Variants in SLC25A30 observed in about 807,000 individuals in gnomAD.
SLC25A30 encodes the protein kidney mitochondrial carrier protein 1.
SLC25A30 carries 29 observed loss-of-function variants against 42.7 expected under a neutral mutation model. The observed-to-expected ratio is 0.68, with a 90% CI of 0.51 to 0.93. The LOEUF is 0.93. SLC25A30 is among the 40% of genes least tolerant of loss of function. The pLI is 0.00. For missense variants in SLC25A30, 300 were observed against 359.7 expected (o/e 0.83, Z 1.34); for synonymous variants, 124 against 131.0 (o/e 0.95, Z 0.37).
At position 45,405,958 on chromosome 13, in the gene SLC25A30, G is replaced by GT; in HGVS notation, c.231dup (p.Arg78ThrfsTer22). On this transcript the variant is annotated frameshift_variant, in exon 4 of 10. Coordinates refer to ENST00000519676, the MANE Select transcript of SLC25A30 (RefSeq NM_001010875.4). LOFTEE classifies it high-confidence loss of function. Reference sequence around the variant, plus strand: ...TTGATGGTGCCATAGGATGCCTGGCGTAACATCGCGGGGGCAATCCTGTTA... The same window carrying GT: ...TTGATGGTGCCATAGGATGCCTGGCGTTAACATCGCGGGGGCAATCCTGTTA... The GT allele has an allele frequency of 1.2e-6, 2 of 1,614,176 alleles. No individual in the cohort carries two copies. Among genetic ancestry groups the GT allele is most frequent in the Non-Finnish European group, 1.7e-6 (2 of 1,180,020 alleles).
intron 1 of SLC25A30, among the ~76,000 whole-genome samples, chr13:45,416,702 T>C (rs1035100653): frequency 6.6e-6 from 1 of 152,110 alleles, no homozygotes; most frequent in Non-Finnish European, 1.5e-5. Context: ...GCCCAGGACT[T>C]CAAGGCTGCA....
chr13:45,431,150 C>T, the SLC25A30 span, among the ~76,000 whole-genome samples: 5 of 152,156 alleles, frequency 3.3e-5, no homozygotes, highest in East Asian at 5.8e-4. Flanking sequence ...AGGATTCAAG[C>T]GATTCTCCTG....
At chr13:45,432,041 G>T in the SLC25A30 span, among the ~76,000 whole-genome samples, 3 of 151,992 alleles carry the variant, frequency 2.0e-5, no homozygotes, top group Non-Finnish European at 4.4e-5. Flanking sequence ...AGGCCAAGGT[G>T]GGTGGACTAC....
the SLC25A30 span, among the ~76,000 whole-genome samples, chr13:45,424,863 A>ATTT: frequency 8.8e-4 from 29 of 32,858 alleles, no homozygotes; most frequent in East Asian, 0.011. Context: ...TATATATATA[A>ATTT]AAATATATAT....
intron 2 of SLC25A30, 103 bp downstream of exon 2, chr13:45,411,259 G>T: frequency 1.0e-6 from 1 of 956,152 alleles, no homozygotes; most frequent in Non-Finnish European, 1.7e-6. Flanking sequence ...TTTGAATTCT[G>T]AGACAAACAT....
chr13:45,424,611 A>ATG, the SLC25A30 span, among the ~76,000 whole-genome samples: 54 of 74,676 alleles, frequency 7.2e-4, 2 homozygotes, highest in Middle Eastern at 0.017. Flanking sequence ...ATATATAAAT[A>ATG]TATATAAATA....
the SLC25A30 span, among the ~76,000 whole-genome samples, chr13:45,423,863 T>A: frequency 4.1e-5 from 3 of 73,352 alleles, no homozygotes; most frequent in South Asian, 1.3e-3. Context: ...TATATATAAA[T>A]ATATATAAAA....
the SLC25A30 span, among the ~76,000 whole-genome samples, chr13:45,433,191 G>A: frequency 1.9e-4 from 29 of 152,016 alleles, no homozygotes; most frequent in Non-Finnish European, 2.2e-4. Context: ...TTTATCACAG[G>A]CAAAGTTTAA....
chr13:45,394,941 G>A lies in SLC25A30; in HGVS notation c.*1033C>T, dbSNP rs1386503496. The A allele has an allele frequency of 1.0e-6, 1 of 985,246 alleles. No individual in the cohort carries two copies. The highest frequency in any genetic ancestry group is 1.7e-5 in the African/African-American group (1 of 57,214). The allele number at this position is 985,246 out of a possible 1,614,324, so 61.0% of individuals were successfully genotyped here. On this transcript the variant is annotated 3_prime_UTR_variant, in exon 10 of 10. Coordinates refer to ENST00000519676, the MANE Select transcript of SLC25A30 (RefSeq NM_001010875.4). ...GATTCACTACCAACATTTTGCTAAGGAAAATGTACTAAAGCCTGAACTTAT... is the reference window on the plus strand; with the variant it reads ...GATTCACTACCAACATTTTGCTAAGAAAAATGTACTAAAGCCTGAACTTAT...
intron 1 of SLC25A30, among the ~76,000 whole-genome samples, chr13:45,414,955 G>A (rs1311846897): frequency 6.6e-6 from 1 of 152,184 alleles, no homozygotes; most frequent in Non-Finnish European, 1.5e-5. Flanking sequence ...GCAGTCAATA[G>A]TGTCTGGGCA....
chr13:45,394,407 CTTCTA>C lies in SLC25A30; in HGVS notation c.*1562_*1566del. On this transcript the variant is annotated 3_prime_UTR_variant, in exon 10 of 10. Coordinates refer to ENST00000519676, the MANE Select transcript of SLC25A30 (RefSeq NM_001010875.4). Reference sequence around the variant, plus strand: ...TCATCCTCCAAAAAAACCTGCAGTCCTTCTATTCAGTCTCAACAAAGAGACTGGCC... The same window carrying C: ...TCATCCTCCAAAAAAACCTGCAGTCCTTCAGTCTCAACAAAGAGACTGGCC... The C allele has an allele frequency of 3.0e-6, 3 of 985,360 alleles. No homozygotes were observed. Among genetic ancestry groups the C allele is most frequent in the Non-Finnish European group, 3.6e-6 (3 of 829,920 alleles). The allele number at this position is 985,360 out of a possible 1,614,324, so 61.0% of individuals were successfully genotyped here.
the SLC25A30 span, among the ~76,000 whole-genome samples, chr13:45,425,563 A>AGT: frequency 4.0e-4 from 33 of 81,586 alleles, no homozygotes; most frequent in African/African-American, 1.2e-3. Flanking sequence ...TATATATATA[A>AGT]ATATATATAA....
intron 3 of SLC25A30, among the ~76,000 whole-genome samples, chr13:45,406,982 CCAGGCACGGTGG>C (rs1312212071): frequency 6.6e-6 from 1 of 152,230 alleles, no homozygotes; most frequent in African/African-American, 2.4e-5. Flanking sequence ...TAAAGGCTGG[CCAGGCACGGTGG>C]CTCATGCCTG....
At chr13:45,404,683 G>C (rs1431508323) in intron 4 of SLC25A30, among the ~76,000 whole-genome samples, 1 of 152,120 alleles carries the variant, frequency 6.6e-6, no homozygotes, top group East Asian at 1.9e-4. Flanking sequence ...GCTGGACATG[G>C]TGGCAGCTGC....
chr13:45,411,302 T>C, intron 2 of SLC25A30, 60 bp downstream of exon 2: 4 of 1,216,306 alleles, frequency 3.3e-6, no homozygotes, highest in Non-Finnish European at 4.9e-6. Context: ...TTGAACTACA[T>C]TCACATCAAA....
upstream of SLC25A30, among the ~76,000 whole-genome samples, chr13:45,421,432 T>C (rs1456205218): frequency 1.4e-5 from 2 of 147,506 alleles, no homozygotes; most frequent in African/African-American, 5.0e-5. Context: ...TCCAGAAATA[T>C]ATCTACGAAC....
chr13:45,415,689 T>C (rs945103391), intron 1 of SLC25A30, among the ~76,000 whole-genome samples: 1 of 146,460 alleles, frequency 6.8e-6, no homozygotes, highest in Non-Finnish European at 1.5e-5. Flanking sequence ...GAGGCAGAGG[T>C]TGCAGTGAGC....
At chr13:45,425,594 A>T in the SLC25A30 span, among the ~76,000 whole-genome samples, 225 of 61,066 alleles carry the variant, frequency 3.7e-3, 15 homozygotes, top group African/African-American at 0.016. Context: ...AAATATATAT[A>T]TACATATATA....
At chr13:45,405,454 TG>T (rs1412935432) in intron 4 of SLC25A30, among the ~76,000 whole-genome samples, 2 of 152,176 alleles carry the variant, frequency 1.3e-5, no homozygotes, top group Non-Finnish European at 2.9e-5. Flanking sequence ...TGAAAAGAGA[TG>T]AAGATGGACA....
Sources: gnomAD v4.1 joint callset for allele counts (sites outside exome capture counted in the v4.1 genomes callset) on GRCh38, gnomAD v4.1.1 for gene constraint, MANE v1.5 for transcripts, NCBI Gene and HGNC (gene_info 2026-07-23, HGNC 2026-07-21) for gene names.